The following SEMA5A variants were observed in gnomAD, a reference collection of about 807,000 sequenced individuals.
The protein encoded by SEMA5A is semaphorin-5A.
Under a neutral mutation model 135.5 loss-of-function variants are expected in SEMA5A, and 55 were observed. The ratio of observed to expected loss-of-function variants is 0.41; its 90% confidence interval spans 0.33 to 0.51. The LOEUF (loss-of-function observed/expected upper bound fraction) is 0.51, where lower values mean the gene tolerates loss of function less well. Among genes scored for constraint, SEMA5A ranks in the 20% least tolerant of loss-of-function variants. The pLI, the probability that SEMA5A is intolerant of heterozygous loss-of-function variation, is 0.37. For synonymous variants in SEMA5A, 580 were observed against 546.5 expected, an observed-to-expected ratio of 1.06 and a Z score of -0.85; for missense variants, 1,290 against 1,419.9, an observed-to-expected ratio of 0.91 and a Z score of 1.47.
chr5:9,287,854 C>A (rs970055322), intron 5 of SEMA5A, among the ~76,000 whole-genome samples: 5 of 151,998 alleles, frequency 3.3e-5, no homozygotes, highest in African/African-American at 1.2e-4. Flanking sequence ...GGCAAAGTAA[C>A]TTAAAAATTA....
chr5:9,428,575 G>A lies in SEMA5A; in HGVS notation c.-78+9181C>T, dbSNP rs78809386. On this transcript the variant is annotated intron_variant, in intron 2 of 22. Coordinates refer to ENST00000382496, the MANE Select transcript of SEMA5A (RefSeq NM_003966.3). ...TCATAGATAACCATTAATAAGAAAC[G>A]GACTTTAGAAGGATCTCACAGTCTT... 7.0e-3 allele frequency among the ~76,000 whole-genome samples: 1,063 copies of A among 152,130 alleles called. 12 individuals carry two copies. The highest frequency in any genetic ancestry group is 0.024 in the African/African-American group (1,008 of 41,512).
chr5:9,358,418 G>A (rs1394960486), intron 3 of SEMA5A, among the ~76,000 whole-genome samples: 2 of 152,150 alleles, frequency 1.3e-5, no homozygotes, highest in Non-Finnish European at 2.9e-5. Context: ...CAGCTGGGAT[G>A]ACAGCTGCCA....
chr5:9,231,092 G>C (rs1747604093), intron 6 of SEMA5A, among the ~76,000 whole-genome samples: 1 of 151,902 alleles, frequency 6.6e-6, no homozygotes, highest in East Asian at 1.9e-4. Context: ...TGAAAACACA[G>C]GGAAAAAAAA....
chr5:9,253,482 G>C (rs1748908008), intron 5 of SEMA5A, among the ~76,000 whole-genome samples: 1 of 151,992 alleles, frequency 6.6e-6, no homozygotes, highest in African/African-American at 2.4e-5. Context: ...ATTATTTCTG[G>C]TTTTGGAAGC....
intron 12 of SEMA5A, among the ~76,000 whole-genome samples, chr5:9,140,885 G>C (rs905211639): frequency 1.3e-5 from 2 of 152,070 alleles, no homozygotes; most frequent in African/African-American, 4.8e-5. Context: ...GTTTACCCCA[G>C]ACTTCCCATG....
chr5:9,136,821 C>T lies in SEMA5A; in HGVS notation c.1482-200G>A, dbSNP rs1326113585. Among the ~76,000 whole-genome samples the T allele has an allele frequency of 6.6e-5, 10 of 152,270 alleles. No homozygotes were observed. In the East Asian group the frequency reaches 1.9e-3, roughly 29 times the overall value. On this transcript the variant is annotated intron_variant, in intron 12 of 22. Coordinates refer to ENST00000382496, the MANE Select transcript of SEMA5A (RefSeq NM_003966.3). ...CCTAATATTAAATCATTTACACAGACATTTTGAAAAATCTATGTTTTAATC... is the reference window on the plus strand; with the variant it reads ...CCTAATATTAAATCATTTACACAGATATTTTGAAAAATCTATGTTTTAATC...
intron 2 of SEMA5A, among the ~76,000 whole-genome samples, chr5:9,392,040 A>G (rs570219986): frequency 1.3e-5 from 2 of 152,052 alleles, no homozygotes; most frequent in South Asian, 4.1e-4. Context: ...CACCAAGCTC[A>G]TCACCTTGCA....
chr5:9,314,743 A>T (rs956510778), intron 5 of SEMA5A, among the ~76,000 whole-genome samples: 5 of 152,176 alleles, frequency 3.3e-5, no homozygotes, highest in African/African-American at 1.2e-4. Flanking sequence ...CTCTCTCCAG[A>T]CTAAGTAAAC....
chr5:9,190,286 G>A lies in SEMA5A; in HGVS notation c.1254C>T (p.His418=). The A allele has an allele frequency of 6.2e-7, 1 of 1,614,104 alleles. No homozygotes were observed. Among genetic ancestry groups the A allele is most frequent in the Non-Finnish European group, 8.5e-7 (1 of 1,180,028 alleles). ...TCCTACCTGTGGCCAAATAGATGAT[G>A]TGGACGAGCGCTTCTCTGCCCTGCA... ...DVVQGREALV[H]IIYLATDYGT... The change falls in exon 11 of 23, where the codon CAC becomes CAT. Residue 418 remains histidine (H), a synonymous_variant. Transcript: ENST00000382496.
chr5:9,230,688 TA>T lies in SEMA5A; in HGVS notation c.334-3722del, dbSNP rs528837722. On this transcript the variant is annotated intron_variant, in intron 6 of 22. Coordinates refer to ENST00000382496, the MANE Select transcript of SEMA5A (RefSeq NM_003966.3). The stretch of plus-strand genomic sequence containing the variant: ...CAAGGAGGTCTGTGCAGAATTTTTA[TA>T]AAATGATGGAGGGTGGCCCCAGCCC... Among the ~76,000 whole-genome samples, 33 of 152,264 alleles carry T rather than the reference TA, an allele frequency of 2.2e-4. No homozygotes were observed. The Middle Eastern group carries it at 0.031, about 141-fold the overall frequency.
At chr5:9,076,868 TTGTGTGTGTGTGTGTGTGTG>T (rs70943938) in intron 16 of SEMA5A, among the ~76,000 whole-genome samples, 1 of 144,006 alleles carries the variant, frequency 6.9e-6, no homozygotes, top group Non-Finnish European at 1.5e-5. Flanking sequence ...ATTACGATCT[TTGTGTGTGTGTGTGTGTGTG>T]TGTGTGTGTG....
intron 5 of SEMA5A, among the ~76,000 whole-genome samples, chr5:9,299,815 AG>A (rs1751521673): frequency 6.6e-6 from 1 of 152,168 alleles, no homozygotes; most frequent in South Asian, 2.1e-4. Flanking sequence ...CACAGACAAA[AG>A]CCATACTTCA....
chr5:9,358,251 C>T (rs1296907535), intron 3 of SEMA5A, among the ~76,000 whole-genome samples: 1 of 152,132 alleles, frequency 6.6e-6, no homozygotes, highest in Non-Finnish European at 1.5e-5. Context: ...CACTAAGAAC[C>T]ACACTGGCTC....
chr5:9,345,448 A>T (rs1158992523), intron 3 of SEMA5A, among the ~76,000 whole-genome samples: 1 of 151,610 alleles, frequency 6.6e-6, no homozygotes, highest in East Asian at 1.9e-4. Context: ...TCTTTCCTAC[A>T]ATTTCACAGA....
In SEMA5A at chr5:9,204,512, T is replaced by C. The variant is rs532827970; in HGVS notation, c.647-2272A>G. Among the ~76,000 whole-genome samples, 55 of 152,324 alleles carry C rather than the reference T, an allele frequency of 3.6e-4. No homozygotes were observed. The highest frequency in any genetic ancestry group is 1.1e-3 in the African/African-American group (47 of 41,554). On this transcript the variant is annotated intron_variant, in intron 8 of 22. Coordinates refer to ENST00000382496, the MANE Select transcript of SEMA5A (RefSeq NM_003966.3). This position sits in a 1 kb window ranked among gnomAD's most constrained non-coding sequence, Gnocchi z 6.4. ...GAGTTTATAATAAAAACAGCTAATA[T>C]CTGTAGAATGCTAAGTCTTGTGCCA...
chr5:9,156,367 G>C (rs2150267330), intron 11 of SEMA5A, among the ~76,000 whole-genome samples: 1 of 152,288 alleles, frequency 6.6e-6, no homozygotes, highest in East Asian at 1.9e-4. Flanking sequence ...GACAAGATGG[G>C]GGCTTCAGGG....
intron 1 of SEMA5A, chr5:9,511,457 G>A (rs1277938257): frequency 6.6e-6 from 1 of 152,152 alleles, no homozygotes; most frequent in African/African-American, 2.4e-5. Flanking sequence ...TATTTGGGCA[G>A]TATCATTTCA....
chr5:9,501,430 A>G (rs1229248662), intron 1 of SEMA5A, among the ~76,000 whole-genome samples: 1 of 152,240 alleles, frequency 6.6e-6, no homozygotes, highest in Non-Finnish European at 1.5e-5. Flanking sequence ...TATTAAGTAT[A>G]CATATAAAAA....
chr5:9,119,226 T>A, intron 14 of SEMA5A, 85 bp from the exon 15 acceptor site: 1 of 1,495,952 alleles, frequency 6.7e-7, no homozygotes, highest in Non-Finnish European at 9.1e-7. Context: ...AATGCCTGTG[T>A]TCCTCAGGAG....
Sources: gnomAD v4.1 joint callset for allele counts (sites outside exome capture counted in the v4.1 genomes callset) on GRCh38, gnomAD v4.1.1 for gene constraint, Gnocchi (gnomAD v3.1) non-coding constraint, MANE v1.5 for transcripts, NCBI Gene and HGNC (gene_info 2026-07-23, HGNC 2026-07-21) for gene names.